MAST2: variants seen among roughly 807,000 people sequenced by gnomAD.
The protein encoded by MAST2 is microtubule-associated serine/threonine-protein kinase 2.
A neutral mutation model predicts 147.4 loss-of-function variants in MAST2; 70 were observed. The ratio of observed to expected loss-of-function variants is 0.47; its 90% confidence interval spans 0.39 to 0.58. The LOEUF (loss-of-function observed/expected upper bound fraction) is 0.58, where lower values mean the gene tolerates loss of function less well. Ranked by LOEUF, MAST2 falls within the 20% of genes least tolerant of loss-of-function variation. MAST2 has a pLI of 0.00. For synonymous variants in MAST2, 869 were observed against 896.8 expected, an observed-to-expected ratio of 0.97 and a Z score of 0.55; for missense variants, 2,080 against 2,302.3, an observed-to-expected ratio of 0.90 and a Z score of 1.98.
chr1:45,822,045 C>T (rs756959863), intron 1 of MAST2, among the ~76,000 whole-genome samples: 7 of 151,568 alleles, frequency 4.6e-5, no homozygotes, highest in Admixed American at 1.3e-4. Flanking sequence ...CGTGCCATCA[C>T]GCCCAGCTAA....
chr1:45,865,768 T>C (rs992927951), intron 3 of MAST2, among the ~76,000 whole-genome samples: 1 of 152,200 alleles, frequency 6.6e-6, no homozygotes, highest in Non-Finnish European at 1.5e-5. Context: ...TTAATGAATA[T>C]CCTTAGCACT....
At chr1:45,990,545 G>T (rs889165654) in intron 5 of MAST2, among the ~76,000 whole-genome samples, 1 of 152,118 alleles carries the variant, frequency 6.6e-6, no homozygotes, top group Non-Finnish European at 1.5e-5. Context: ...CCAGGCTGGA[G>T]TTCAGTGGTG....
chr1:45,931,793 C>G (rs1655354088), intron 4 of MAST2, among the ~76,000 whole-genome samples: 1 of 152,084 alleles, frequency 6.6e-6, no homozygotes, highest in Non-Finnish European at 1.5e-5. Context: ...CATGCCCAGT[C>G]CCACCCCAGC....
chr1:45,865,818 G>T (rs1050009986), intron 3 of MAST2, among the ~76,000 whole-genome samples: 1 of 152,084 alleles, frequency 6.6e-6, no homozygotes, highest in Admixed American at 6.6e-5. Context: ...TTTTTTTCAT[G>T]CTTTGTAGAT....
intron 4 of MAST2, among the ~76,000 whole-genome samples, chr1:45,934,258 G>T (rs1277842949): frequency 6.6e-6 from 1 of 152,078 alleles, no homozygotes; most frequent in East Asian, 1.9e-4. Context: ...TTTCCGGTGG[G>T]CGGATCATGA....
At chr1:45,876,200 A>G (rs1646599579) in intron 3 of MAST2, among the ~76,000 whole-genome samples, 1 of 152,248 alleles carries the variant, frequency 6.6e-6, no homozygotes, top group Non-Finnish European at 1.5e-5. Context: ...AGAATGGTTT[A>G]AATGGGCTGG....
chr1:45,819,086 T>G (rs1644540807), intron 1 of MAST2, among the ~76,000 whole-genome samples: 1 of 151,886 alleles, frequency 6.6e-6, no homozygotes, highest in Non-Finnish European at 1.5e-5. Context: ...AAACCTTGTC[T>G]CTACTAAAAA....
At chr1:45,925,769 C>G (rs1654265389) in intron 4 of MAST2, among the ~76,000 whole-genome samples, 1 of 152,220 alleles carries the variant, frequency 6.6e-6, no homozygotes, top group South Asian at 2.1e-4. Context: ...ATAGGAATTT[C>G]TTCCATACAA....
chr1:45,991,868 G>A (rs1312763140), intron 5 of MAST2, among the ~76,000 whole-genome samples: 1 of 151,674 alleles, frequency 6.6e-6, no homozygotes, highest in Non-Finnish European at 1.5e-5. Context: ...TCCTTTTCTT[G>A]CCTTTTTGGT....
At chr1:45,861,807 CT>C in intron 3 of MAST2, among the ~76,000 whole-genome samples, 1 of 152,258 alleles carries the variant, frequency 6.6e-6, no homozygotes, top group Non-Finnish European at 1.5e-5. Context: ...ATTTCCTCAT[CT>C]CCTACCCACT....
At chr1:45,837,491 A>G (rs1645138392) in intron 3 of MAST2, among the ~76,000 whole-genome samples, 1 of 152,178 alleles carries the variant, frequency 6.6e-6, no homozygotes, top group African/African-American at 2.4e-5. Flanking sequence ...TGGCATGGGT[A>G]TATAGACTTT....
intron 3 of MAST2, among the ~76,000 whole-genome samples, chr1:45,878,203 CAAAAA>C (rs34794896): frequency 8.7e-6 from 1 of 114,788 alleles, no homozygotes; most frequent in Non-Finnish European, 1.8e-5. Context: ...GGCTCTATCT[CAAAAA>C]AAAAAAAAAA....
chr1:45,824,001 G>A (rs566840432), intron 1 of MAST2, among the ~76,000 whole-genome samples: 43 of 152,040 alleles, frequency 2.8e-4, no homozygotes, highest in Non-Finnish European at 5.3e-4. Flanking sequence ...ATTAATTTTA[G>A]CATTAATTGA....
At chr1:45,837,435 T>G (rs1313446412) in intron 3 of MAST2, among the ~76,000 whole-genome samples, 2 of 152,264 alleles carry the variant, frequency 1.3e-5, no homozygotes. Context: ...CATGTTGTTT[T>G]GAGTATCAAT....
rs141331605 is a variant in MAST2 at position 45,847,421 on chromosome 1, A to C, written c.468+17840A>C. The C allele has an allele frequency of 2.6e-3, 1,426 of 550,668 alleles. 15 individuals carry two copies. Among genetic ancestry groups the C allele is most frequent in the East Asian group, 1.0e-3 (22 of 21,398 alleles). The allele number at this position is 550,668 out of a possible 1,614,324, so 34.1% of individuals were successfully genotyped here. A position where few individuals can be genotyped will look rare whatever the true frequency, so the allele number is the denominator to read the frequency against. ...GTTTGAATATCTTTTTTTGGGGGGG[A>C]TCAAGATGATTTTGAAACCATTGCA... On this transcript the variant is annotated intron_variant, in intron 3 of 28. Transcript: ENST00000361297.
intron 4 of MAST2, among the ~76,000 whole-genome samples, chr1:45,915,798 C>T (rs1030863617): frequency 2.0e-5 from 3 of 151,830 alleles, no homozygotes; most frequent in African/African-American, 7.3e-5. Flanking sequence ...GTCTAAACCT[C>T]ATTTTATGTG....
intron 5 of MAST2, among the ~76,000 whole-genome samples, chr1:45,989,939 T>TC (rs1188453243): frequency 1.3e-5 from 2 of 152,266 alleles, no homozygotes; most frequent in Non-Finnish European, 2.9e-5. Flanking sequence ...TAAATAATAT[T>TC]CCATTGTATG....
At chr1:45,951,367 G>C (rs1658907752) in intron 4 of MAST2, among the ~76,000 whole-genome samples, 1 of 152,220 alleles carries the variant, frequency 6.6e-6, no homozygotes, top group South Asian at 2.1e-4. Context: ...CGGATCACTT[G>C]AGCCCAGGAG....
chr1:45,868,585 G>A (rs1036724287), intron 3 of MAST2, among the ~76,000 whole-genome samples: 5 of 151,968 alleles, frequency 3.3e-5, no homozygotes, highest in Non-Finnish European at 7.4e-5. Flanking sequence ...AGTACTTAGA[G>A]TGTCATTGTT....
Sources: allele counts gnomAD v4.1 joint callset (sites outside exome capture counted in the v4.1 genomes callset), GRCh38; gene constraint gnomAD v4.1.1; transcripts MANE v1.5; gene names NCBI Gene and HGNC (gene_info 2026-07-23, HGNC 2026-07-21).